Variants in PRDM16 observed in about 807,000 individuals in gnomAD.
PRDM16 encodes the protein histone-lysine N-methyltransferase PRDM16.
In PRDM16, 23 loss-of-function variants were observed where a neutral mutation model predicts 110.6. The ratio of observed to expected loss-of-function variants is 0.21; its 90% confidence interval spans 0.15 to 0.29. PRDM16 has a LOEUF of 0.29. PRDM16 is among the 10% of genes least tolerant of loss of function. The pLI is 1.00. For missense variants in PRDM16, 1,615 were observed against 1,794.3 expected, an observed-to-expected ratio of 0.90 and a Z score of 1.81; for synonymous variants, 799 against 781.8, an observed-to-expected ratio of 1.02 and a Z score of -0.37.
intron 3 of PRDM16, among the ~76,000 whole-genome samples, chr1:3,288,453 A>G (rs1347786703): frequency 1.3e-5 from 2 of 152,164 alleles, no homozygotes; most frequent in East Asian, 3.9e-4. Context: ...TGAGGGCTCC[A>G]GCCTGCTTTT....
intron 1 of PRDM16, among the ~76,000 whole-genome samples, chr1:3,086,349 T>C (rs963163002): frequency 6.6e-6 from 1 of 152,152 alleles, no homozygotes; most frequent in Non-Finnish European, 1.5e-5. Context: ...AGGCCAAGGT[T>C]CCCTGCCCCC....
At chr1:3,417,000 T>C (rs1283142370) in intron 10 of PRDM16, among the ~76,000 whole-genome samples, 2 of 152,202 alleles carry the variant, frequency 1.3e-5, no homozygotes, top group Admixed American at 1.3e-4. Flanking sequence ...ACTGAGCAGC[T>C]CCATCAGCCC....
intron 1 of PRDM16, among the ~76,000 whole-genome samples, chr1:3,115,321 A>C (rs1642931283): frequency 6.6e-6 from 1 of 152,224 alleles, no homozygotes. Context: ...TGGTGGCCCC[A>C]TCAGCGCCCG....
chr1:3,131,010 C>T (rs1407663496), intron 1 of PRDM16, among the ~76,000 whole-genome samples: 1 of 152,116 alleles, frequency 6.6e-6, no homozygotes, highest in Non-Finnish European at 1.5e-5. Flanking sequence ...TCCTGACGTG[C>T]AGACCGCGGG....
intron 2 of PRDM16, among the ~76,000 whole-genome samples, chr1:3,241,178 G>A (rs1639666168): frequency 6.6e-6 from 1 of 152,262 alleles, no homozygotes; most frequent in Non-Finnish European, 1.5e-5. Context: ...CGGTGAGATG[G>A]GGCAGGCGGT....
intron 2 of PRDM16, among the ~76,000 whole-genome samples, chr1:3,189,607 G>A (rs1419361356): frequency 3.9e-5 from 6 of 152,200 alleles, no homozygotes; most frequent in South Asian, 4.1e-4. Flanking sequence ...TAATGTCCAC[G>A]GTATTTATTT....
At chr1:3,376,574 C>A (rs1642993588) in intron 3 of PRDM16, among the ~76,000 whole-genome samples, 1 of 152,196 alleles carries the variant, frequency 6.6e-6, no homozygotes, top group African/African-American at 2.4e-5. Flanking sequence ...CCCCCTCCAG[C>A]TTCTTCCAGA....
At chr1:3,111,057 G>A (rs1267923200) in intron 1 of PRDM16, among the ~76,000 whole-genome samples, 1 of 152,172 alleles carries the variant, frequency 6.6e-6, no homozygotes, top group African/African-American at 2.4e-5. Context: ...CCCCACACCT[G>A]CCGAGTGTGA....
At chr1:3,135,365 C>T (rs1643415429) in intron 1 of PRDM16, among the ~76,000 whole-genome samples, 1 of 152,208 alleles carries the variant, frequency 6.6e-6, no homozygotes, top group South Asian at 2.1e-4. Flanking sequence ...AGACACCGAC[C>T]ACGGGCCCGA....
chr1:3,180,991 CACACGATCTT>C (rs1443269414), intron 1 of PRDM16, among the ~76,000 whole-genome samples: 15 of 147,628 alleles, frequency 1.0e-4, no homozygotes, highest in South Asian at 6.5e-4. Context: ...CGCAGTCTTA[CACACGATCTT>C]ACACGCGGTC....
chr1:3,247,440 T>C (rs1639812841), intron 3 of PRDM16, among the ~76,000 whole-genome samples: 1 of 152,196 alleles, frequency 6.6e-6, no homozygotes, highest in Admixed American at 6.5e-5. Context: ...TATGGAGGCC[T>C]GGGATTCGAA....
chr1:3,433,674 C>T lies in PRDM16; in HGVS notation c.3697-3C>T, dbSNP rs375419034. The stretch of plus-strand genomic sequence containing the variant: ...TGTGTGTGTGTCATCCCCTCCCCGC[C>T]AGGCATATGCAATGATGCTGTCCCT... On this transcript the variant is annotated splice_region_variant and splice_polypyrimidine_tract_variant and intron_variant, in intron 16 of 16. Transcript: ENST00000270722. The T allele has an allele frequency of 6.2e-7, 1 of 1,612,726 alleles. No homozygotes were observed. Among genetic ancestry groups the T allele is most frequent in the Non-Finnish European group, 8.5e-7 (1 of 1,179,168 alleles).
intron 3 of PRDM16, among the ~76,000 whole-genome samples, chr1:3,325,198 C>T (rs1326737752): frequency 1.3e-5 from 2 of 152,204 alleles, no homozygotes; most frequent in Non-Finnish European, 2.9e-5. Context: ...ATCTCTCATG[C>T]CTGTGAGCTG....
At position 3,423,623 on chromosome 1, in the gene PRDM16, C is replaced by T. The variant is rs1172491964; in HGVS notation, c.2940-1958C>T. Among the ~76,000 whole-genome samples, 10 of 152,194 alleles carry T rather than the reference C, an allele frequency of 6.6e-5. No homozygotes were observed. In the South Asian group the frequency reaches 8.3e-4, roughly 13 times the overall value. On this transcript the variant is annotated intron_variant, in intron 12 of 16. Transcript: ENST00000270722. Reference sequence around the variant, plus strand: ...CTGCTCTGGAGCGGGCCACCGGCACCGGTCGGGGCGGGGTGGGGCCTCTCG... The same window carrying T: ...CTGCTCTGGAGCGGGCCACCGGCACTGGTCGGGGCGGGGTGGGGCCTCTCG...
At chr1:3,089,300 C>A (rs1642220236) in intron 1 of PRDM16, among the ~76,000 whole-genome samples, 1 of 152,230 alleles carries the variant, frequency 6.6e-6, no homozygotes, top group Non-Finnish European at 1.5e-5. Flanking sequence ...GTAGCCCAGG[C>A]TGAGCCTCGT....
At chr1:3,233,918 T>C (rs956586285) in intron 2 of PRDM16, among the ~76,000 whole-genome samples, 6 of 151,160 alleles carry the variant, frequency 4.0e-5, no homozygotes, top group Non-Finnish European at 8.8e-5. Context: ...GGGGGGAAAT[T>C]CTATGAACTC....
chr1:3,226,820 G>C (rs2651888), intron 2 of PRDM16, among the ~76,000 whole-genome samples: 1 of 151,952 alleles, frequency 6.6e-6, no homozygotes, highest in East Asian at 1.9e-4. Flanking sequence ...AATGAGAACG[G>C]TGTCGGCTAA....
rs188250673 is a variant in PRDM16, at chr1:3,350,518, C to T, written c.439-34634C>T. On this transcript the variant is annotated intron_variant, in intron 3 of 16. Coordinates refer to ENST00000270722, the MANE Select transcript of PRDM16 (RefSeq NM_022114.4). The surrounding 1 kb of genome is among the most constrained non-coding windows in gnomAD (Gnocchi z 7.1). ...TAATGTGTGTTAAGATCAAGGGCCC[C>T]GGGCTGATGTGGCCTCCCAGCAGCC... is the stretch of plus-strand genomic sequence containing the variant. Among the ~76,000 whole-genome samples the T allele has an allele frequency of 7.3e-4, 111 of 152,236 alleles. 2 individuals carry two copies. The East Asian group carries it at 0.019, about 26-fold the overall frequency.
intron 8 of PRDM16, among the ~76,000 whole-genome samples, chr1:3,409,834 G>GGTGTGTGGTGTTTGTATGTGCGT (rs1553175975): frequency 7.9e-6 from 1 of 125,800 alleles, no homozygotes; most frequent in Non-Finnish European, 1.7e-5. Context: ...GTTGTGTGTG[G>GGTGTGTGGTGTTTGTATGTGCGT]GTGTGTGGTG....
Sources: gnomAD v4.1 joint callset for allele counts (sites outside exome capture counted in the v4.1 genomes callset) on GRCh38, gnomAD v4.1.1 for gene constraint, Gnocchi (gnomAD v3.1) non-coding constraint, MANE v1.5 for transcripts, NCBI Gene and HGNC (gene_info 2026-07-23, HGNC 2026-07-21) for gene names.